Variants in ARHGAP15 observed in about 807,000 individuals in gnomAD.
The protein encoded by ARHGAP15 is rho GTPase-activating protein 15.
ARHGAP15 carries 51 observed loss-of-function variants against 63.7 expected under a neutral mutation model. The observed-to-expected ratio is 0.80, with a 90% CI of 0.64 to 1.01. ARHGAP15 has a LOEUF of 1.01. Ranked by LOEUF, ARHGAP15 falls within the 50% of genes least tolerant of loss-of-function variation. The pLI, the probability that ARHGAP15 is intolerant of heterozygous loss-of-function variation, is 0.00. For synonymous variants in ARHGAP15, 191 were observed against 193.8 expected (o/e 0.99, Z 0.12); for missense variants, 560 against 564.6 (o/e 0.99, Z 0.08).
intron 11 of ARHGAP15, among the ~76,000 whole-genome samples, chr2:143,595,453 G>A (rs562225494): frequency 6.6e-5 from 10 of 152,100 alleles, no homozygotes; most frequent in East Asian, 1.9e-4. Context: ...TCTATTTTAC[G>A]TAATGCCCCG....
chr2:143,520,821 C>T (rs1393804954), intron 10 of ARHGAP15, among the ~76,000 whole-genome samples: 1 of 152,098 alleles, frequency 6.6e-6, no homozygotes, highest in Non-Finnish European at 1.5e-5. Flanking sequence ...AGACCAAAAA[C>T]CCAAATAGGG....
chr2:143,642,942 C>T (rs572208431), intron 12 of ARHGAP15, among the ~76,000 whole-genome samples: 1 of 152,106 alleles, frequency 6.6e-6, no homozygotes, highest in Non-Finnish European at 1.5e-5. Flanking sequence ...TACAGTTAAT[C>T]CAGTATTGTG....
In ARHGAP15 at chr2:143,170,368, A is replaced by C. The variant is rs554417456; in HGVS notation, c.165+14713A>C. ...GCTAAGTGCTATAACTTGATGAGAG[A>C]CTACTTTGTATTTAAGTGAAGCAGT... On this transcript the variant is annotated intron_variant, in intron 2 of 13. Coordinates refer to ENST00000295095, the MANE Select transcript of ARHGAP15 (RefSeq NM_018460.4). 4.3e-4 allele frequency among the ~76,000 whole-genome samples: 66 copies of C among 152,266 alleles called. 1 individual carries two copies. Among genetic ancestry groups the C allele is most frequent in the Middle Eastern group, 6.8e-3 (2 of 292 alleles).
chr2:143,183,943 C>T (rs759755413), intron 2 of ARHGAP15, among the ~76,000 whole-genome samples: 5 of 152,112 alleles, frequency 3.3e-5, no homozygotes, highest in African/African-American at 4.8e-5. Flanking sequence ...TGCCCTTGCT[C>T]TTGAGAGCTC....
intron 13 of ARHGAP15, among the ~76,000 whole-genome samples, chr2:143,735,927 C>T (rs938006404): frequency 6.6e-6 from 1 of 152,192 alleles, no homozygotes; most frequent in South Asian, 2.1e-4. Flanking sequence ...ATCCCTCATT[C>T]TCATTTGCTA....
intron 10 of ARHGAP15, among the ~76,000 whole-genome samples, chr2:143,541,195 A>G (rs1018463047): frequency 1.4e-4 from 22 of 152,080 alleles, no homozygotes; most frequent in Non-Finnish European, 1.3e-4. Context: ...TGTATTCATC[A>G]TGTAGTTCTT....
intron 6 of ARHGAP15, among the ~76,000 whole-genome samples, chr2:143,321,326 G>C (rs1483755626): frequency 2.0e-5 from 3 of 152,240 alleles, no homozygotes; most frequent in African/African-American, 4.8e-5. Context: ...CAAACTTGTG[G>C]AAGCATAAAA....
intron 6 of ARHGAP15, among the ~76,000 whole-genome samples, chr2:143,270,607 A>T (rs1681229621): frequency 1.3e-5 from 2 of 152,232 alleles, no homozygotes; most frequent in Admixed American, 1.3e-4. Flanking sequence ...GTAATTACAT[A>T]CTACTTTCCT....
intron 6 of ARHGAP15, among the ~76,000 whole-genome samples, chr2:143,322,599 T>A (rs1378068786): frequency 6.6e-6 from 1 of 152,228 alleles, no homozygotes; most frequent in Non-Finnish European, 1.5e-5. Context: ...TAGTTAGAAT[T>A]TTGAGGCTTA....
intron 8 of ARHGAP15, among the ~76,000 whole-genome samples, chr2:143,475,195 C>T (rs1691755191): frequency 6.6e-6 from 1 of 152,194 alleles, no homozygotes; most frequent in Non-Finnish European, 1.5e-5. Flanking sequence ...GCCAAGTATT[C>T]ACCGGGCTCC....
At chr2:143,323,913 A>AC (rs1684136616) in intron 6 of ARHGAP15, among the ~76,000 whole-genome samples, 2 of 150,690 alleles carry the variant, frequency 1.3e-5, no homozygotes, top group African/African-American at 4.9e-5. Flanking sequence ...AAAAAAAAAA[A>AC]AAAAAAAAAA....
Position 143,439,642 on chromosome 2 carries a change from C to T in ARHGAP15, c.703+2600C>T, listed in dbSNP as rs144778564. 7.6e-3 allele frequency among the ~76,000 whole-genome samples: 1,147 copies of T among 151,672 alleles called. 7 individuals carry two copies. The highest frequency in any genetic ancestry group is 0.011 in the Non-Finnish European group (775 of 67,918). ...TCTCACCAATCCTATGAGGTAGATA[C>T]TATTAGTTACCTTATTTTATAGAGG... On this transcript the variant is annotated intron_variant, in intron 8 of 13. Transcript: ENST00000295095.
chr2:143,754,796 T>A (rs1686510791), intron 13 of ARHGAP15, among the ~76,000 whole-genome samples: 2 of 152,202 alleles, frequency 1.3e-5, no homozygotes, highest in Non-Finnish European at 2.9e-5. Context: ...GCCTGGCTCT[T>A]TATCTACCTT....
chr2:143,201,552 A>T (rs1692118734), intron 2 of ARHGAP15, among the ~76,000 whole-genome samples: 1 of 152,010 alleles, frequency 6.6e-6, no homozygotes, highest in Non-Finnish European at 1.5e-5. Context: ...GATCTCATAG[A>T]GATAGGGAAT....
chr2:143,316,026 C>T (rs1414178222), intron 6 of ARHGAP15, among the ~76,000 whole-genome samples: 2 of 152,004 alleles, frequency 1.3e-5, no homozygotes, highest in East Asian at 3.9e-4. Flanking sequence ...GTGGAGGTTC[C>T]AGCTAGCCAA....
intron 2 of ARHGAP15, among the ~76,000 whole-genome samples, chr2:143,166,174 A>C (rs1690524026): frequency 6.6e-6 from 1 of 152,110 alleles, no homozygotes; most frequent in African/African-American, 2.4e-5. Context: ...AATCTGGGTA[A>C]CACAGCCCTA....
intron 12 of ARHGAP15, among the ~76,000 whole-genome samples, chr2:143,663,833 T>C (rs1681983070): frequency 6.6e-6 from 1 of 152,046 alleles, no homozygotes; most frequent in Non-Finnish European, 1.5e-5. Flanking sequence ...CATTACATAA[T>C]GGTAAAGGGA....
intron 6 of ARHGAP15, among the ~76,000 whole-genome samples, chr2:143,406,075 T>G (rs974336461): frequency 6.6e-6 from 1 of 151,952 alleles, no homozygotes; most frequent in African/African-American, 2.4e-5. Context: ...TTTATTTCAA[T>G]TTTCTTTTTC....
chr2:143,755,670 T>C (rs1012939106), intron 13 of ARHGAP15, among the ~76,000 whole-genome samples: 4 of 152,138 alleles, frequency 2.6e-5, no homozygotes, highest in African/African-American at 9.7e-5. Flanking sequence ...CCTCTTAAAG[T>C]CACTGCAGAA....
Sources: gnomAD v4.1 joint callset for allele counts (sites outside exome capture counted in the v4.1 genomes callset) on GRCh38, gnomAD v4.1.1 for gene constraint, MANE v1.5 for transcripts, NCBI Gene and HGNC (gene_info 2026-07-23, HGNC 2026-07-21) for gene names.